The following RAD51B variants were observed in gnomAD, a reference collection of about 807,000 sequenced individuals.
RAD51B encodes RAD51 paralog B, also known as DNA repair protein RAD51 homolog 2.
In RAD51B, 38 loss-of-function variants were observed where a neutral mutation model predicts 42.2. That is an observed-to-expected ratio of 0.90 (90% CI 0.70 to 1.18). RAD51B has a LOEUF of 1.18. RAD51B is among the 50% of genes most tolerant of loss of function. The probability of loss-of-function intolerance (pLI) is 0.00; values close to 1 mark genes in which losing one functional copy is unlikely to be tolerated. For synonymous variants in RAD51B, 154 were observed against 145.2 expected, an observed-to-expected ratio of 1.06 and a Z score of -0.43; for missense variants, 373 against 400.7, an observed-to-expected ratio of 0.93 and a Z score of 0.59.
intron 7 of RAD51B, among the ~76,000 whole-genome samples, chr14:68,006,629 A>C (rs1420528487): frequency 6.6e-6 from 1 of 152,080 alleles, no homozygotes; most frequent in African/African-American, 2.4e-5. Flanking sequence ...ATTTCATTAT[A>C]TAAGGAGTGC....
At chr14:68,390,407 T>C (rs531412929) in intron 8 of RAD51B, among the ~76,000 whole-genome samples, 25 of 152,382 alleles carry the variant, frequency 1.6e-4, no homozygotes, top group African/African-American at 6.0e-4. Context: ...TTTAGGATTG[T>C]ATCTATTGGC....
chr14:68,440,091 A>G (rs2085249071), intron 9 of RAD51B, among the ~76,000 whole-genome samples: 1 of 152,226 alleles, frequency 6.6e-6, no homozygotes, highest in African/African-American at 2.4e-5. Context: ...TTCTGTAAAG[A>G]GACTCCTATA....
intron 7 of RAD51B, among the ~76,000 whole-genome samples, chr14:68,199,528 C>G (rs2079440572): frequency 6.6e-6 from 1 of 152,164 alleles, no homozygotes; most frequent in African/African-American, 2.4e-5. Flanking sequence ...TTTGTGGAGT[C>G]TATAGGCTTG....
chr14:67,915,764 C>T (rs1820865920), intron 7 of RAD51B, among the ~76,000 whole-genome samples: 1 of 152,144 alleles, frequency 6.6e-6, no homozygotes, highest in Non-Finnish European at 1.5e-5. Flanking sequence ...TCTAAAGTTA[C>T]AACATGTAAA....
chr14:68,005,062 T>TC (rs1566572398), intron 7 of RAD51B, among the ~76,000 whole-genome samples: 1 of 138,988 alleles, frequency 7.2e-6, no homozygotes, highest in East Asian at 2.0e-4. Flanking sequence ...TTTTTTTTTT[T>TC]TTTTTTTTTT....
intron 11 of RAD51B, among the ~76,000 whole-genome samples, chr14:68,656,433 A>G (rs1892816840): frequency 6.9e-6 from 1 of 143,914 alleles, no homozygotes; most frequent in Non-Finnish European, 1.6e-5. Context: ...TCAATGGGGT[A>G]ACTGAGGACT....
At chr14:68,512,804 G>C (rs1885824356) in intron 10 of RAD51B, among the ~76,000 whole-genome samples, 1 of 152,068 alleles carries the variant, frequency 6.6e-6, no homozygotes, top group Admixed American at 6.6e-5. Flanking sequence ...CCTTGAGAAA[G>C]GAAGCAGGTT....
At chr14:67,929,699 T>G (rs2044654786) in intron 7 of RAD51B, among the ~76,000 whole-genome samples, 1 of 152,202 alleles carries the variant, frequency 6.6e-6, no homozygotes. Flanking sequence ...ATTATTGTAT[T>G]AGAGCCTGTC....
chr14:68,612,686 GA>G (rs1891721625), downstream of RAD51B, among the ~76,000 whole-genome samples: 1 of 152,142 alleles, frequency 6.6e-6, no homozygotes, highest in South Asian at 2.1e-4. Flanking sequence ...AAGTTGTGGA[GA>G]TAGATAATGG....
intron 7 of RAD51B, among the ~76,000 whole-genome samples, chr14:68,181,476 A>G (rs1170855584): frequency 6.6e-6 from 1 of 152,196 alleles, no homozygotes; most frequent in Non-Finnish European, 1.5e-5. Flanking sequence ...GGACCTTTCT[A>G]TCTGTCCTTG....
At chr14:68,203,244 G>T (rs2079526064) in intron 7 of RAD51B, among the ~76,000 whole-genome samples, 1 of 152,140 alleles carries the variant, frequency 6.6e-6, no homozygotes, top group Non-Finnish European at 1.5e-5. Flanking sequence ...CTTGAATGTT[G>T]AAATTATTCC....
intron 8 of RAD51B, among the ~76,000 whole-genome samples, chr14:68,322,097 C>T (rs2082167346): frequency 6.6e-6 from 1 of 152,108 alleles, no homozygotes; most frequent in Admixed American, 6.5e-5. Context: ...TTATAATACA[C>T]TTAGAACAGT....
At chr14:68,322,982 T>C (rs776865927) in intron 8 of RAD51B, among the ~76,000 whole-genome samples, 2 of 152,202 alleles carry the variant, frequency 1.3e-5, no homozygotes, top group Non-Finnish European at 1.5e-5. Context: ...CCTTGACCAG[T>C]AGATTCGTGA....
chr14:68,036,383 A>G (rs572716317), intron 7 of RAD51B, among the ~76,000 whole-genome samples: 46 of 152,304 alleles, frequency 3.0e-4, no homozygotes, highest in African/African-American at 7.7e-4. Context: ...GGCCTTTGAC[A>G]TTTAGGGTAT....
chr14:67,963,295 C>A (rs1435167445), intron 7 of RAD51B, among the ~76,000 whole-genome samples: 2 of 152,046 alleles, frequency 1.3e-5, no homozygotes, highest in Non-Finnish European at 2.9e-5. Context: ...TATTTCTGTG[C>A]ATTCATTATC....
chr14:68,602,877 T>C (rs17105965), intron 10 of RAD51B, among the ~76,000 whole-genome samples: 23,353 of 152,150 alleles, frequency 0.15, 1,957 homozygotes, highest in African/African-American at 0.19. Context: ...CTCGTATAAA[T>C]CTCCTGAAAC....
intron 10 of RAD51B, among the ~76,000 whole-genome samples, chr14:68,648,043 GTATATAGATGTGTGTGTGTA>G (rs1892604077): frequency 5.7e-5 from 3 of 52,888 alleles, no homozygotes; most frequent in African/African-American, 2.0e-4. Context: ...ATATACACAC[GTATATAGATGTGTGTGTGTA>G]TATATATATA....
intron 10 of RAD51B, among the ~76,000 whole-genome samples, chr14:68,603,097 C>T (rs1157218556): frequency 3.3e-5 from 5 of 152,162 alleles, no homozygotes; most frequent in Non-Finnish European, 7.4e-5. Context: ...GTGTTCCTCT[C>T]CTCTCCCTCT....
chr14:68,430,151 CT>C (rs1398590139), intron 9 of RAD51B, among the ~76,000 whole-genome samples: 1 of 152,132 alleles, frequency 6.6e-6, no homozygotes, highest in Non-Finnish European at 1.5e-5. Flanking sequence ...GTTACTGTAG[CT>C]TTGTGGTATA....
Sources: gnomAD v4.1 joint callset for allele counts (sites outside exome capture counted in the v4.1 genomes callset) on GRCh38, gnomAD v4.1.1 for gene constraint, MANE v1.5 for transcripts, NCBI Gene and HGNC (gene_info 2026-07-23, HGNC 2026-07-21) for gene names.